The following SOX6 variants were observed in gnomAD, a reference collection of about 807,000 sequenced individuals.
SOX6 encodes the protein SRY-box transcription factor 6.
Under a neutral mutation model 97.8 loss-of-function variants are expected in SOX6, and 11 were observed. The observed-to-expected ratio is 0.11, with a 90% CI of 0.07 to 0.19. SOX6 has a LOEUF of 0.19. Ranked by LOEUF, SOX6 falls within the 10% of genes least tolerant of loss-of-function variation. The pLI is 1.00. For synonymous variants in SOX6, 360 were observed against 371.4 expected (o/e 0.97, Z 0.35); for missense variants, 810 against 1,039.5 (o/e 0.78, Z 3.04).
chr11:16,700,892 C>T (rs1848087625), intron 3 of SOX6, among the ~76,000 whole-genome samples: 1 of 152,122 alleles, frequency 6.6e-6, no homozygotes, highest in Non-Finnish European at 1.5e-5. Context: ...AAATCCTTTC[C>T]TCTGAGTTGA....
intron 3 of SOX6, among the ~76,000 whole-genome samples, chr11:16,271,846 C>T (rs1206528042): frequency 6.6e-6 from 1 of 150,730 alleles, no homozygotes; most frequent in Non-Finnish European, 1.5e-5. Context: ...ACATTAATTT[C>T]TGCTTTTTAT....
intron 4 of SOX6, among the ~76,000 whole-genome samples, chr11:16,526,267 A>T (rs1861163243): frequency 6.6e-6 from 1 of 152,226 alleles, no homozygotes; most frequent in Non-Finnish European, 1.5e-5. Context: ...GATTAAGAAA[A>T]TGTGGCACAT....
intron 4 of SOX6, among the ~76,000 whole-genome samples, chr11:16,210,787 A>G (rs940240152): frequency 6.6e-6 from 1 of 152,228 alleles, no homozygotes; most frequent in Non-Finnish European, 1.5e-5. Context: ...GAACCGACAC[A>G]TACTGTTTTC....
At chr11:16,167,658 T>A (rs938712667) in intron 6 of SOX6, among the ~76,000 whole-genome samples, 3 of 152,334 alleles carry the variant, frequency 2.0e-5, no homozygotes, top group Non-Finnish European at 4.4e-5. Flanking sequence ...CCCCATCAGC[T>A]AGCATGCTCT....
intron 6 of SOX6, among the ~76,000 whole-genome samples, chr11:16,175,222 G>T (rs1458978848): frequency 6.6e-6 from 1 of 151,796 alleles, no homozygotes; most frequent in Non-Finnish European, 1.5e-5. Context: ...TGTACATGAA[G>T]GTTTCTCTAT....
At chr11:16,517,335 T>C (rs978361526) in intron 4 of SOX6, among the ~76,000 whole-genome samples, 1 of 151,004 alleles carries the variant, frequency 6.6e-6, no homozygotes, top group Non-Finnish European at 1.5e-5. Flanking sequence ...CCAGGGCAAT[T>C]AGGCAGGAGA....
intron 1 of SOX6, among the ~76,000 whole-genome samples, chr11:16,426,406 A>G (rs1859133648): frequency 6.6e-6 from 1 of 151,970 alleles, no homozygotes; most frequent in Non-Finnish European, 1.5e-5. Flanking sequence ...TCTTCAAACT[A>G]TACTACAGGG....
At chr11:16,661,181 C>T (rs1847762910) in intron 3 of SOX6, among the ~76,000 whole-genome samples, 1 of 152,078 alleles carries the variant, frequency 6.6e-6, no homozygotes, top group Non-Finnish European at 1.5e-5. Flanking sequence ...ACAGACTGAC[C>T]CAGTTATCAT....
chr11:16,714,159 C>T (rs1009307406), intron 3 of SOX6, among the ~76,000 whole-genome samples: 3 of 151,926 alleles, frequency 2.0e-5, no homozygotes, highest in East Asian at 3.9e-4. Context: ...TTTATTACTG[C>T]AAATGATAAT....
chr11:16,377,723 A>G (rs921451212), intron 1 of SOX6, among the ~76,000 whole-genome samples: 4 of 152,302 alleles, frequency 2.6e-5, no homozygotes, highest in African/African-American at 9.6e-5. Flanking sequence ...CTATAGCAGA[A>G]GAGTCAGGAT....
intron 4 of SOX6, among the ~76,000 whole-genome samples, chr11:16,574,759 A>C (rs985419291): frequency 1.3e-5 from 2 of 152,092 alleles, no homozygotes; most frequent in African/African-American, 4.8e-5. Context: ...GAAAACTACA[A>C]ATCATTTTTT....
At chr11:16,378,148 C>T (rs945376023) in intron 1 of SOX6, among the ~76,000 whole-genome samples, 1 of 152,096 alleles carries the variant, frequency 6.6e-6, no homozygotes, top group Non-Finnish European at 1.5e-5. Context: ...AGTACTAAAA[C>T]ATTTAACATT....
chr11:16,365,931 T>C (rs1227248826), intron 1 of SOX6, among the ~76,000 whole-genome samples: 7 of 152,252 alleles, frequency 4.6e-5, no homozygotes, highest in Admixed American at 1.3e-4. Context: ...TGCAGACATA[T>C]GTGGCACAGA....
Position 16,046,554 on chromosome 11 carries a change from G to C in SOX6, c.1583C>G (p.Ser528Cys). The change falls in exon 12 of 16, where the codon TCC (serine) becomes TGC (cysteine). Residue 528 changes from serine (S) to cysteine (C), a missense_variant. Coordinates refer to ENST00000683767, the MANE Select transcript of SOX6 (RefSeq NM_001367873.1). ...QPHGVDGKLS[S>C]INNMGLNSCR... ...GCTGTTCAGCCCCATATTATTTATG[G>C]AGGACAGTTTCCCGTCAACACCATG... The C allele has an allele frequency of 1.2e-6, 2 of 1,613,684 alleles. No individual in the cohort carries two copies. The highest frequency in any genetic ancestry group is 1.3e-5 in the African/African-American group (1 of 75,012).
chr11:15,981,373 A>T (rs548186091), intron 15 of SOX6, among the ~76,000 whole-genome samples: 1 of 152,218 alleles, frequency 6.6e-6, no homozygotes, highest in South Asian at 2.1e-4. Flanking sequence ...TTGCTACATG[A>T]CTTCCAAATT....
In SOX6 at chr11:15,989,129, G is replaced by T; in HGVS notation, c.1834C>A (p.Arg612Ser). The T allele has an allele frequency of 6.2e-7, 1 of 1,614,142 alleles. No homozygotes were observed. The highest frequency in any genetic ancestry group is 8.5e-7 in the Non-Finnish European group (1 of 1,180,018). ...VAEARVYRDA[R>S]GRASSEPHIK... Reference sequence around the variant, plus strand: ...TGTGGCTCGCTGCTGGCACGGCCGCGGGCGTCCCTGTAGACTCGTGCTTCA... The same window carrying T: ...TGTGGCTCGCTGCTGGCACGGCCGCTGGCGTCCCTGTAGACTCGTGCTTCA... The change falls in exon 14 of 16, where the codon CGC becomes AGC. Residue 612 changes from arginine (R) to serine (S), a missense_variant. Physicochemically the swap from Arg to Ser is moderately radical, Grantham distance 110 (BLOSUM62 -1). Around this residue, in one of 9 missense-constraint regions of SOX6, gnomAD observed 51 missense variants for 145.7 expected, o/e 0.35. Coordinates refer to ENST00000683767, the MANE Select transcript of SOX6 (RefSeq NM_001367873.1).
At chr11:16,641,003 G>C (rs945463829) in intron 3 of SOX6, among the ~76,000 whole-genome samples, 1 of 152,054 alleles carries the variant, frequency 6.6e-6, no homozygotes, top group African/African-American at 2.4e-5. Context: ...TGTGATGTTA[G>C]GTTGTCCATT....
chr11:16,735,937 G>A (rs1283670998), intron 2 of SOX6, among the ~76,000 whole-genome samples: 1 of 151,972 alleles, frequency 6.6e-6, no homozygotes, highest in African/African-American at 2.4e-5. Flanking sequence ...ATCCCTGGTT[G>A]AGAGCACGTA....
At chr11:16,720,384 T>C (rs1403060478) in intron 2 of SOX6, among the ~76,000 whole-genome samples, 10 of 134,180 alleles carry the variant, frequency 7.5e-5, no homozygotes, top group African/African-American at 2.6e-4. Flanking sequence ...TGAGTTCATG[T>C]CCTTTGTAGG....
Sources: gnomAD v4.1 joint callset for allele counts (sites outside exome capture counted in the v4.1 genomes callset) on GRCh38, gnomAD v4.1.1 for gene constraint, gnomAD v4.1.1 regional missense constraint, MANE v1.5 for transcripts, NCBI Gene and HGNC (gene_info 2026-07-23, HGNC 2026-07-21) for gene names.